Variants in GNS observed in about 807,000 individuals in gnomAD.
GNS encodes glucosamine (N-acetyl)-6-sulfatase.
Under a neutral mutation model 69.7 loss-of-function variants are expected in GNS, and 40 were observed. The observed-to-expected ratio is 0.57, with a 90% CI of 0.45 to 0.75. The LOEUF is 0.75. Ranked by LOEUF, GNS falls within the 30% of genes least tolerant of loss-of-function variation. GNS has a pLI of 0.00. For missense variants in GNS, 565 were observed against 685.5 expected, an observed-to-expected ratio of 0.82 and a Z score of 1.96; for synonymous variants, 243 against 251.6, an observed-to-expected ratio of 0.97 and a Z score of 0.32.
chr12:64,756,699 C>A (rs1400443826), intron 1 of GNS: 26 of 1,418,912 alleles, frequency 1.8e-5, no homozygotes, highest in Middle Eastern at 1.7e-4. Flanking sequence ...CTCAAATGCT[C>A]TTGTCCTAGC....
chr12:64,730,426 A>G (rs1242733955), intron 9 of GNS, among the ~76,000 whole-genome samples: 1 of 137,086 alleles, frequency 7.3e-6, no homozygotes, highest in Non-Finnish European at 1.6e-5. Context: ...AAGTACAGAT[A>G]TGAAAGGCAA....
Position 64,744,912 on chromosome 12 carries a change from T to C in GNS, c.526-5A>G, listed in dbSNP as rs1869852857. ...ATAATACTTAGAATTCTTTTCCTAT[T>C]AAAAAGAGGAAAGTCAAATTTGTTA... is the stretch of plus-strand genomic sequence containing the variant. On this transcript the variant is annotated splice_polypyrimidine_tract_variant and splice_region_variant and intron_variant, in intron 4 of 13. Coordinates refer to ENST00000258145, the MANE Select transcript of GNS (RefSeq NM_002076.4). 3 of 1,343,050 alleles carry C rather than the reference T, an allele frequency of 2.2e-6. No individual in the cohort carries two copies. Among genetic ancestry groups the C allele is most frequent in the Non-Finnish European group, 3.2e-6 (3 of 932,504 alleles). The allele number at this position is 1,343,050 out of a possible 1,614,324, so 83.2% of individuals were successfully genotyped here.
At chr12:64,756,444 T>C (rs903307614) in intron 1 of GNS, among the ~76,000 whole-genome samples, 6 of 152,140 alleles carry the variant, frequency 3.9e-5, no homozygotes, top group Non-Finnish European at 7.3e-5. Flanking sequence ...CTGGTGTGGG[T>C]ATGTGGAATG....
chr12:64,751,327 A>G (rs904334682), intron 2 of GNS, among the ~76,000 whole-genome samples: 2 of 152,194 alleles, frequency 1.3e-5, no homozygotes, highest in African/African-American at 4.8e-5. Flanking sequence ...GTGATTTTAA[A>G]GGGTTTTCAA....
intron 1 of GNS, chr12:64,753,030 G>A (rs978195858): frequency 1.0e-5 from 5 of 489,582 alleles, no homozygotes; most frequent in South Asian, 4.8e-5. Context: ...AGTCATCAGC[G>A]CCCAGATAAG....
chr12:64,752,990 T>C, intron 1 of GNS: 1 of 571,102 alleles, frequency 1.8e-6, no homozygotes, highest in Non-Finnish European at 3.1e-6. Flanking sequence ...AAAGTTCAGT[T>C]GATGGCAATA....
In GNS at chr12:64,716,491, A is replaced by G; in HGVS notation, c.*250T>C. On this transcript the variant is annotated 3_prime_UTR_variant, in exon 14 of 14. Transcript: ENST00000258145. ...TAAAAAGAATACAGTGAGAACAAAG[A>G]CCTCAGGAGTGTCCTTGTCAGCTAA... The G allele has an allele frequency of 1.9e-6, 1 of 538,024 alleles. No individual in the cohort carries two copies. Among genetic ancestry groups the G allele is most frequent in the Non-Finnish European group, 3.4e-6 (1 of 298,214 alleles). 33.3% of individuals were successfully genotyped at this position (538,024 alleles called of 1,614,324 possible).
intron 11 of GNS, 68 bp from the exon 12 acceptor site, chr12:64,721,773 A>G: frequency 1.2e-6 from 1 of 858,250 alleles, no homozygotes; most frequent in Non-Finnish European, 2.0e-6. Flanking sequence ...AGTTGCCTAG[A>G]AGGGCAATCG....
rs563780551 is a variant in GNS, at chr12:64,756,586, A to C, written c.192+2499T>G. 15 of 618,292 alleles carry C rather than the reference A, an allele frequency of 2.4e-5. 2 individuals are homozygous for C. In the Admixed American group the frequency reaches 2.5e-4, roughly 10 times the overall value. The allele number at this position is 618,292 out of a possible 1,614,324, so 38.3% of individuals were successfully genotyped here. ...TGTCACTTAACCACCTTCCAGTTTT[A>C]GTTTCCTTTTAAGATAAGGATACTA... is the stretch of plus-strand genomic sequence containing the variant. On this transcript the variant is annotated intron_variant, in intron 1 of 13. Coordinates refer to ENST00000258145, the MANE Select transcript of GNS (RefSeq NM_002076.4).
intron 1 of GNS, among the ~76,000 whole-genome samples, chr12:64,754,890 CAAAA>C (rs202239574): frequency 8.0e-6 from 1 of 124,254 alleles, no homozygotes; most frequent in African/African-American, 3.2e-5. Flanking sequence ...AACTTGTCTC[CAAAA>C]AAAAAAAAAA....
intron 13 of GNS, among the ~76,000 whole-genome samples, chr12:64,718,561 G>A (rs528120227): frequency 2.0e-5 from 3 of 152,342 alleles, no homozygotes; most frequent in South Asian, 4.1e-4. Context: ...AGAGCCAGAT[G>A]TTCAGAAGAA....
Position 64,714,410 on chromosome 12 carries a change from G to T in GNS, c.*2331C>A, listed in dbSNP as rs1399975485. 6.6e-6 allele frequency: 1 copy of T among 152,022 alleles called. No individual in the cohort carries two copies. Among genetic ancestry groups the T allele is most frequent in the African/African-American group, 2.4e-5 (1 of 41,426 alleles). 9.4% of individuals were successfully genotyped at this position (152,022 alleles called of 1,614,324 possible). On this transcript the variant is annotated 3_prime_UTR_variant, in exon 14 of 14. Transcript: ENST00000258145. ...TTGCAGTGGGTCCCTTAAACATTAT[G>T]AAAACATCAGTGCATTGTGTAGTCT...
At position 64,739,483 on chromosome 12, in the gene GNS, A is replaced by G; in HGVS notation, c.892T>C (p.Ser298Pro). Residue 298 changes from serine (S) to proline (P), a missense_variant, in exon 8 of 14, where the codon TCA becomes CCA. Transcript: ENST00000258145. Reference protein sequence around the residue: ...AFRKRWQTLLSVDDLVEKLVK... With the variant: ...AFRKRWQTLLPVDDLVEKLVK... ...AGTTTCTCCACAAGGTCATCAACTG[A>G]GAGGAGAGTTTGCCACCTGGATGTG... The G allele has an allele frequency of 1.3e-6, 2 of 1,595,458 alleles. No individual in the cohort carries two copies. The highest frequency in any genetic ancestry group is 8.6e-7 in the Non-Finnish European group (1 of 1,164,686).
Position 64,747,758 on chromosome 12 carries a change from GAT to G in GNS, c.411_412del (p.Arg137SerfsTer16). The G allele has an allele frequency of 6.2e-7, 1 of 1,612,416 alleles. No homozygotes were observed. The highest frequency in any genetic ancestry group is 8.5e-7 in the Non-Finnish European group (1 of 1,178,472). On this transcript the variant is annotated frameshift_variant, in exon 3 of 14. Coordinates refer to ENST00000258145, the MANE Select transcript of GNS (RefSeq NM_002076.4). LOFTEE classifies it high-confidence loss of function. ...AAAAAAGGTCTGATAACCACACATT[GAT>G]CTGAGAATTGCTGGGAAAGTATTTG...
In GNS at chr12:64,759,169, C is replaced by A. The variant is rs1870387135; in HGVS notation, c.108G>T (p.Gly36=). ...LLLLVLGGCL[G]VFGVAAGTRR... is the part of the protein sequence containing the mutation. The stretch of plus-strand genomic sequence containing the variant: ...GGGTTCCCGCAGCCACCCCGAAGAC[C>A]CCCAGGCAGCCGCCCAGCACCAGCA... Residue 36 remains glycine, a synonymous_variant, in exon 1 of 14, where the codon GGG becomes GGT. Transcript: ENST00000258145. 3 of 1,552,562 alleles carry A rather than the reference C, an allele frequency of 1.9e-6. No individual in the cohort carries two copies. The highest frequency in any genetic ancestry group is 2.0e-5 in the Admixed American group (1 of 51,188).
At position 64,723,033 on chromosome 12, in the gene GNS, T is replaced by C. The variant is rs1236986224; in HGVS notation, c.1281A>G (p.Thr427=). 6.2e-7 allele frequency: 1 copy of C among 1,609,442 alleles called. No individual in the cohort carries two copies. The highest frequency in any genetic ancestry group is 8.5e-7 in the Non-Finnish European group (1 of 1,175,686). Residue 427 remains threonine, a synonymous_variant, in exon 11 of 14, where the codon ACA becomes ACG. Coordinates refer to ENST00000258145, the MANE Select transcript of GNS (RefSeq NM_002076.4). ...QGEGRNVTDP[T]CPSLSPGVSQ... Reference sequence around the variant, plus strand: ...ATACGCCAGGACTCAGGGAAGGGCATGTTGGGTCAGTGACGTTACGGCCTT... The same window carrying C: ...ATACGCCAGGACTCAGGGAAGGGCACGTTGGGTCAGTGACGTTACGGCCTT...
chr12:64,731,253 T>C (rs928209443), intron 9 of GNS, among the ~76,000 whole-genome samples: 1 of 152,184 alleles, frequency 6.6e-6, no homozygotes, highest in African/African-American at 2.4e-5. Context: ...AATTTTGTAT[T>C]TTTTTATTTT....
At chr12:64,733,581 C>T (rs1774618235) in intron 9 of GNS, among the ~76,000 whole-genome samples, 1 of 152,164 alleles carries the variant, frequency 6.6e-6, no homozygotes, top group African/African-American at 2.4e-5. Context: ...TGCAGAATCC[C>T]ATATCTTGGT....
At chr12:64,717,697 A>C (rs550171808) in intron 13 of GNS, among the ~76,000 whole-genome samples, 1 of 152,258 alleles carries the variant, frequency 6.6e-6, no homozygotes, top group East Asian at 1.9e-4. Context: ...ATCATGAAGA[A>C]GGAAAAACGA....
Sources: gnomAD v4.1 joint callset for allele counts (sites outside exome capture counted in the v4.1 genomes callset) on GRCh38, gnomAD v4.1.1 for gene constraint, MANE v1.5 for transcripts, NCBI Gene and HGNC (gene_info 2026-07-23, HGNC 2026-07-21) for gene names.